Variants in PLCB1 observed in about 807,000 individuals in gnomAD.
The protein encoded by PLCB1 is 1-phosphatidylinositol 4,5-bisphosphate phosphodiesterase beta-1.
PLCB1 carries 46 observed loss-of-function variants against 161.8 expected under a neutral mutation model. The observed-to-expected ratio is 0.28, with a 90% confidence interval of 0.22 to 0.36. The LOEUF is 0.36. Among genes scored for constraint, PLCB1 ranks in the 10% least tolerant of loss-of-function variants. The pLI is 1.00. For synonymous variants in PLCB1, 517 were observed against 503.7 expected, an observed-to-expected ratio of 1.03 and a Z score of -0.35; for missense variants, 1,016 against 1,472.5, an observed-to-expected ratio of 0.69 and a Z score of 5.07.
chr20:8,194,874 A>G (rs1341850381), intron 2 of PLCB1, among the ~76,000 whole-genome samples: 1 of 152,108 alleles, frequency 6.6e-6, no homozygotes, highest in African/African-American at 2.4e-5. Flanking sequence ...GCACAAGTCC[A>G]TCTGTCTTAC....
intron 3 of PLCB1, chr20:8,600,575 G>C (rs1162155473): frequency 6.6e-6 from 1 of 151,014 alleles, no homozygotes; most frequent in Non-Finnish European, 1.5e-5. Flanking sequence ...CCTGCCCCCA[G>C]AGGTGGAGCC....
At chr20:8,341,112 A>G (rs1020498048) in intron 2 of PLCB1, among the ~76,000 whole-genome samples, 3 of 151,856 alleles carry the variant, frequency 2.0e-5, no homozygotes, top group Non-Finnish European at 4.4e-5. Context: ...CCCCTCCCAT[A>G]TACACATCAC....
At chr20:8,167,654 A>C (rs2051689290) in intron 2 of PLCB1, among the ~76,000 whole-genome samples, 1 of 152,242 alleles carries the variant, frequency 6.6e-6, no homozygotes, top group Non-Finnish European at 1.5e-5. Flanking sequence ...TTTACAAAAG[A>C]AAAAGCAGTA....
At chr20:8,849,397 C>A (rs1345484154) in intron 31 of PLCB1, among the ~76,000 whole-genome samples, 1 of 151,696 alleles carries the variant, frequency 6.6e-6, no homozygotes, top group South Asian at 2.1e-4. Context: ...CAAGCAGGGC[C>A]GGGTGCGGTG....
intron 23 of PLCB1, among the ~76,000 whole-genome samples, chr20:8,753,056 T>C (rs1246315708): frequency 5.9e-5 from 9 of 152,020 alleles, no homozygotes. Context: ...GTGAACCCTA[T>C]TGTGAACTGC....
intron 3 of PLCB1, among the ~76,000 whole-genome samples, chr20:8,538,090 T>C (rs1460874317): frequency 6.6e-6 from 1 of 152,192 alleles, no homozygotes; most frequent in African/African-American, 2.4e-5. Flanking sequence ...TTTCCAAATG[T>C]AAGAATAAAT....
At chr20:8,632,035 C>CTTTTTTTTTTTGTTTTTTTTTTTTTT (rs1568537430) in intron 4 of PLCB1, among the ~76,000 whole-genome samples, 2 of 45,982 alleles carry the variant, frequency 4.3e-5, no homozygotes, top group Non-Finnish European at 3.7e-5. Context: ...GTTTTTTTTG[C>CTTTTTTTTTTTGTTTTTTTTTTTTTT]TTTTTTTTTT....
intron 2 of PLCB1, among the ~76,000 whole-genome samples, chr20:8,345,552 A>C (rs948603249): frequency 2.6e-5 from 4 of 152,186 alleles, no homozygotes; most frequent in African/African-American, 9.7e-5. Flanking sequence ...GTCCTCCAGC[A>C]GTCACAGGTG....
intron 2 of PLCB1, among the ~76,000 whole-genome samples, chr20:8,348,976 G>T (rs1457065705): frequency 1.3e-5 from 2 of 151,416 alleles, no homozygotes; most frequent in Non-Finnish European, 2.9e-5. Context: ...TTTTAAAAAG[G>T]TATATGCATA....
At chr20:8,575,745 A>C (rs1250101447) in intron 3 of PLCB1, among the ~76,000 whole-genome samples, 1 of 152,256 alleles carries the variant, frequency 6.6e-6, no homozygotes, top group African/African-American at 2.4e-5. Context: ...TTGCAATCTG[A>C]AATAATCTTG....
At chr20:8,584,500 A>ACACACACACG (rs1233723375) in intron 3 of PLCB1, among the ~76,000 whole-genome samples, 6 of 151,730 alleles carry the variant, frequency 4.0e-5, no homozygotes, top group Admixed American at 1.3e-4. Flanking sequence ...ACACACACAC[A>ACACACACACG]CACACACGTG....
intron 3 of PLCB1, among the ~76,000 whole-genome samples, chr20:8,585,257 T>A (rs1986954562): frequency 6.6e-6 from 1 of 152,112 alleles, no homozygotes; most frequent in South Asian, 2.1e-4. Context: ...CTGCCAGAGG[T>A]AAGACTTTCT....
intron 3 of PLCB1, among the ~76,000 whole-genome samples, chr20:8,420,379 C>T (rs959025755): frequency 3.3e-5 from 5 of 152,156 alleles, no homozygotes; most frequent in East Asian, 1.9e-4. Context: ...ACTATAAATA[C>T]ATATATTTTT....
At chr20:8,387,156 AACTGGGCGGCTG>A (rs1292520457) in intron 3 of PLCB1, among the ~76,000 whole-genome samples, 1 of 152,192 alleles carries the variant, frequency 6.6e-6, no homozygotes, top group Non-Finnish European at 1.5e-5. Context: ...TTGCATTCAC[AACTGGGCGGCTG>A]ACTGCTTGGC....
At chr20:8,756,204 C>T (rs1256069017) in intron 23 of PLCB1, among the ~76,000 whole-genome samples, 1 of 152,074 alleles carries the variant, frequency 6.6e-6, no homozygotes, top group African/African-American at 2.4e-5. Flanking sequence ...ATTCTAAGTA[C>T]TTTATAAGTA....
chr20:8,814,839 C>G (rs1158722830), intron 31 of PLCB1, among the ~76,000 whole-genome samples: 1 of 152,186 alleles, frequency 6.6e-6, no homozygotes, highest in Non-Finnish European at 1.5e-5. Context: ...ATAAGTTGGA[C>G]TGACACCTTC....
intron 2 of PLCB1, among the ~76,000 whole-genome samples, chr20:8,221,929 A>G (rs1380708130): frequency 6.6e-6 from 1 of 152,134 alleles, no homozygotes; most frequent in East Asian, 1.9e-4. Context: ...TTTAGGTTTC[A>G]CTTTCCATTA....
intron 3 of PLCB1, among the ~76,000 whole-genome samples, chr20:8,529,258 C>A (rs1203778751): frequency 1.3e-5 from 2 of 151,960 alleles, no homozygotes; most frequent in East Asian, 1.9e-4. Flanking sequence ...CACAAAAATA[C>A]CCCTCTGTGT....
chr20:8,718,326 C>T (rs1054215890), intron 14 of PLCB1, among the ~76,000 whole-genome samples: 2 of 152,306 alleles, frequency 1.3e-5, no homozygotes, highest in Non-Finnish European at 2.9e-5. Flanking sequence ...ACAAACTTAG[C>T]GGCTTAAACC....
Sources: gnomAD v4.1 joint callset for allele counts (sites outside exome capture counted in the v4.1 genomes callset) on GRCh38, gnomAD v4.1.1 for gene constraint, MANE v1.5 for transcripts, NCBI Gene and HGNC (gene_info 2026-07-23, HGNC 2026-07-21) for gene names.